BACH2: variants seen among roughly 807,000 people sequenced by gnomAD.
The protein encoded by BACH2 is transcription regulator protein BACH2.
Under a neutral mutation model 61.8 loss-of-function variants are expected in BACH2, and 5 were observed. The ratio of observed to expected loss-of-function variants is 0.08; its 90% CI spans 0.04 to 0.17. The LOEUF is 0.17. BACH2 is among the 10% of genes least tolerant of loss of function. The pLI, the probability that BACH2 is intolerant of heterozygous loss-of-function variation, is 1.00. For missense variants in BACH2, 824 were observed against 1,091.1 expected (o/e 0.76, Z 3.45); for synonymous variants, 446 against 440.1 (o/e 1.01, Z -0.17).
intron 6 of BACH2, among the ~76,000 whole-genome samples, chr6:89,995,008 C>T (rs1305639028): frequency 6.6e-6 from 1 of 152,164 alleles, no homozygotes; most frequent in Non-Finnish European, 1.5e-5. Flanking sequence ...TTCTGATCAT[C>T]ACCTTTCATC....
At chr6:90,014,840 G>A (rs913163701) in intron 5 of BACH2, among the ~76,000 whole-genome samples, 7 of 151,788 alleles carry the variant, frequency 4.6e-5, no homozygotes, top group Non-Finnish European at 7.4e-5. Context: ...GTGCAGTGGC[G>A]TGATCATAGC....
At chr6:89,940,328 T>G (rs1584505238) in intron 7 of BACH2, among the ~76,000 whole-genome samples, 1 of 152,134 alleles carries the variant, frequency 6.6e-6, no homozygotes, top group African/African-American at 2.4e-5. Context: ...TTCTTAAGAA[T>G]AGCAACCAGT....
intron 6 of BACH2, chr6:90,001,568 C>G (rs1440452090): frequency 1.3e-5 from 2 of 152,202 alleles, no homozygotes; most frequent in African/African-American, 4.8e-5. Context: ...ATGTCAGAGT[C>G]TGATTTGAGT....
chr6:90,137,374 T>C (rs1055693905), intron 4 of BACH2, among the ~76,000 whole-genome samples: 6 of 152,126 alleles, frequency 3.9e-5, no homozygotes. Flanking sequence ...CATTTGAGTG[T>C]AATGTGATGG....
chr6:90,072,942 G>A (rs1020940448), intron 5 of BACH2, among the ~76,000 whole-genome samples: 10 of 152,056 alleles, frequency 6.6e-5, no homozygotes, highest in South Asian at 2.1e-4. Flanking sequence ...ATCTAACATC[G>A]TTAACATATT....
At chr6:90,085,051 T>C (rs1781873925) in intron 5 of BACH2, among the ~76,000 whole-genome samples, 1 of 152,018 alleles carries the variant, frequency 6.6e-6, no homozygotes, top group Non-Finnish European at 1.5e-5. Context: ...CCAAAAAAAG[T>C]AGGGTACAAT....
At chr6:89,970,234 C>A (rs1226834288) in intron 6 of BACH2, among the ~76,000 whole-genome samples, 1 of 152,226 alleles carries the variant, frequency 6.6e-6, no homozygotes, top group Non-Finnish European at 1.5e-5. Flanking sequence ...ACAGTGCTGT[C>A]CTGCCACCTC....
chr6:90,274,623 A>G (rs1582557004), intron 1 of BACH2, among the ~76,000 whole-genome samples: 1 of 152,144 alleles, frequency 6.6e-6, no homozygotes, highest in South Asian at 2.1e-4. Context: ...CAACCCCCAC[A>G]CACTTTCCAG....
rs1330301212 is a variant in BACH2, at chr6:89,926,602, T to C, written c.*5806A>G. The stretch of plus-strand genomic sequence containing the variant: ...TGTCTAGACAAAATTCAGTTAACAC[T>C]AGCAATTCAATTGAGTGAAAACTTT... On this transcript the variant is annotated 3_prime_UTR_variant, in exon 9 of 9. Coordinates refer to ENST00000257749, the MANE Select transcript of BACH2 (RefSeq NM_021813.4). The C allele has an allele frequency of 6.5e-6, 1 of 152,808 alleles. No homozygotes were observed. The highest frequency in any genetic ancestry group is 1.5e-5 in the Non-Finnish European group (1 of 68,044). The allele number at this position is 152,808 out of a possible 1,614,324, so 9.5% of individuals were successfully genotyped here. A position where few individuals can be genotyped will look rare whatever the true frequency, so the allele number is the denominator to read the frequency against.
chr6:90,070,779 T>C (rs1781189406), intron 5 of BACH2, among the ~76,000 whole-genome samples: 1 of 152,204 alleles, frequency 6.6e-6, no homozygotes, highest in African/African-American at 2.4e-5. Context: ...TTTCTTTTAG[T>C]TCTGCTTTTG....
At chr6:90,021,202 T>A (rs1406591784) in intron 5 of BACH2, among the ~76,000 whole-genome samples, 1 of 151,866 alleles carries the variant, frequency 6.6e-6, no homozygotes. Flanking sequence ...ACAGACTTAC[T>A]CATTAACTCA....
intron 4 of BACH2, among the ~76,000 whole-genome samples, chr6:90,177,218 A>T (rs560463500): frequency 1.3e-5 from 2 of 152,202 alleles, no homozygotes; most frequent in African/African-American, 4.8e-5. Context: ...CATTACATTC[A>T]ATGCACACTA....
chr6:90,295,106 G>C (rs1772298807), intron 1 of BACH2, among the ~76,000 whole-genome samples: 1 of 151,604 alleles, frequency 6.6e-6, no homozygotes, highest in African/African-American at 2.4e-5. Flanking sequence ...CGGGCCCGCC[G>C]GGAGACTGCG....
intron 6 of BACH2, among the ~76,000 whole-genome samples, chr6:89,998,633 GC>G (rs969497100): frequency 5.3e-5 from 8 of 151,824 alleles, no homozygotes; most frequent in Admixed American, 3.9e-4. Flanking sequence ...ACTGATTAGT[GC>G]CCACAATTTT....
intron 6 of BACH2, among the ~76,000 whole-genome samples, chr6:89,995,984 C>A (rs1237467953): frequency 1.3e-5 from 2 of 152,170 alleles, no homozygotes; most frequent in African/African-American, 4.8e-5. Context: ...AGGAACCAGC[C>A]ATGGAGCCTA....
intron 3 of BACH2, among the ~76,000 whole-genome samples, chr6:90,229,817 T>C (rs1446158099): frequency 1.3e-5 from 2 of 152,298 alleles, no homozygotes; most frequent in East Asian, 3.9e-4. Context: ...GTGGTAGATA[T>C]GAGCCCAGAT....
intron 4 of BACH2, among the ~76,000 whole-genome samples, chr6:90,159,222 C>T (rs774258624): frequency 9.9e-5 from 15 of 152,188 alleles, no homozygotes; most frequent in Non-Finnish European, 1.5e-4. Context: ...ATGAAAGGCA[C>T]GGACCATGGC....
intron 2 of BACH2, among the ~76,000 whole-genome samples, chr6:90,257,442 G>C (rs1420959272): frequency 6.6e-6 from 1 of 152,172 alleles, no homozygotes; most frequent in African/African-American, 2.4e-5. Context: ...GTAAATCACA[G>C]TGGTTTTGAT....
At position 90,150,719 on chromosome 6, in the gene BACH2, T is replaced by TTCTCAGTGG. The variant is rs552247625; in HGVS notation, c.-162+55841_-162+55849dup. Among the ~76,000 whole-genome samples, 315 of 152,216 alleles carry TTCTCAGTGG rather than the reference T, an allele frequency of 2.1e-3. 8 individuals carry two copies. The South Asian group carries it at 0.033, about 16-fold the overall frequency. ...CAATGGGGAGTGCTTGAGCCCAAGC[T>TTCTCAGTGG]TCTCAGTGGAGGACCCCTTGTGTTG... On this transcript the variant is annotated intron_variant, in intron 4 of 8. Coordinates refer to ENST00000257749, the MANE Select transcript of BACH2 (RefSeq NM_021813.4).
Sources: gnomAD v4.1 joint callset for allele counts (sites outside exome capture counted in the v4.1 genomes callset) on GRCh38, gnomAD v4.1.1 for gene constraint, MANE v1.5 for transcripts, NCBI Gene and HGNC (gene_info 2026-07-23, HGNC 2026-07-21) for gene names.